CNIH3: variants seen among roughly 807,000 people sequenced by gnomAD.
The protein encoded by CNIH3 is protein cornichon homolog 3.
A neutral mutation model predicts 24.1 loss-of-function variants in CNIH3; 14 were observed. The observed-to-expected ratio is 0.58, with a 90% CI of 0.38 to 0.91. The LOEUF (loss-of-function observed/expected upper bound fraction) is 0.91, where lower values mean the gene tolerates loss of function less well. CNIH3 is among the 40% of genes least tolerant of loss of function. The pLI is 0.00. For synonymous variants in CNIH3, 68 were observed against 73.8 expected (o/e 0.92, Z 0.40); for missense variants, 178 against 196.8 (o/e 0.90, Z 0.57).
At chr1:224,562,989 T>C (rs1172413387) in intron 3 of CNIH3, among the ~76,000 whole-genome samples, 2 of 152,198 alleles carry the variant, frequency 1.3e-5, no homozygotes, top group Admixed American at 6.5e-5. Flanking sequence ...TTTGGGAAAC[T>C]GTTTGCAAAA....
chr1:224,595,525 C>A (rs1460613326), intron 3 of CNIH3, among the ~76,000 whole-genome samples: 1 of 152,198 alleles, frequency 6.6e-6, no homozygotes, highest in African/African-American at 2.4e-5. Context: ...CAATAATATT[C>A]AATTTAGGCA....
At chr1:224,738,300 T>C (rs1172067413) in intron 5 of CNIH3, among the ~76,000 whole-genome samples, 1 of 152,228 alleles carries the variant, frequency 6.6e-6, no homozygotes, top group Non-Finnish European at 1.5e-5. Flanking sequence ...CTTAGTACTG[T>C]TATGCAAAAA....
At chr1:224,623,915 C>T (rs188522109) in intron 1 of CNIH3, among the ~76,000 whole-genome samples, 3 of 152,172 alleles carry the variant, frequency 2.0e-5, no homozygotes, top group Admixed American at 2.0e-4. Context: ...TCCCCAGGCC[C>T]TCTAAATGCT....
intron 1 of CNIH3, among the ~76,000 whole-genome samples, chr1:224,456,984 C>A (rs757571176): frequency 6.6e-6 from 1 of 152,220 alleles, no homozygotes; most frequent in South Asian, 2.1e-4. Flanking sequence ...AAGGCCACCC[C>A]GCTCAGGCCT....
intron 3 of CNIH3, among the ~76,000 whole-genome samples, chr1:224,594,284 C>T (rs890122636): frequency 6.6e-6 from 1 of 152,200 alleles, no homozygotes; most frequent in African/African-American, 2.4e-5. Context: ...CCTTGCACCC[C>T]CGCTTGTCTG....
intron 1 of CNIH3, among the ~76,000 whole-genome samples, chr1:224,679,527 A>G (rs1686301550): frequency 6.6e-6 from 1 of 152,210 alleles, no homozygotes; most frequent in African/African-American, 2.4e-5. Flanking sequence ...GATTAATTAG[A>G]GGTAGCCAGA....
At chr1:224,718,842 G>C (rs558447505) in intron 3 of CNIH3, 1 of 152,190 alleles carries the variant, frequency 6.6e-6, no homozygotes, top group Non-Finnish European at 1.5e-5. Flanking sequence ...ATTCTGCAGC[G>C]GGATCCCTCT....
Position 224,594,670 on chromosome 1 carries a change from T to C in CNIH3, n.402+28406T>C, listed in dbSNP as rs117247995. On this transcript the variant is annotated intron_variant and non_coding_transcript_variant, in intron 3 of 7. Coordinates refer to the CNIH3 transcript ENST00000478120. The stretch of plus-strand genomic sequence containing the variant: ...GCGGAGCAGCATAAACAGTTTTGGA[T>C]TGGGCAATTTGCATTATAAATGGCA... 2.9e-3 allele frequency among the ~76,000 whole-genome samples: 440 copies of C among 152,196 alleles called. 8 individuals carry two copies. In the East Asian group the frequency reaches 0.047, roughly 16 times the overall value.
At chr1:224,705,619 A>G (rs1687741108) in intron 3 of CNIH3, among the ~76,000 whole-genome samples, 3 of 152,048 alleles carry the variant, frequency 2.0e-5, no homozygotes, top group Admixed American at 6.6e-5. Context: ...TGCTTGAGCA[A>G]CCTCACAGAG....
At chr1:224,665,109 A>G (rs989819022) in intron 1 of CNIH3, among the ~76,000 whole-genome samples, 2 of 152,200 alleles carry the variant, frequency 1.3e-5, no homozygotes, top group African/African-American at 4.8e-5. Context: ...TTGAATATGT[A>G]TACATTCCGT....
At chr1:224,711,306 A>G (rs1196982192) in intron 3 of CNIH3, among the ~76,000 whole-genome samples, 1 of 150,288 alleles carries the variant, frequency 6.7e-6, no homozygotes, top group Non-Finnish European at 1.5e-5. Context: ...TAAGTTTTTA[A>G]TCTTTCTCTC....
At chr1:224,675,302 A>G (rs984497153) in intron 1 of CNIH3, among the ~76,000 whole-genome samples, 4 of 152,254 alleles carry the variant, frequency 2.6e-5, no homozygotes, top group African/African-American at 9.6e-5. Flanking sequence ...ATAGTCCTAA[A>G]TCTATTAAAT....
chr1:224,704,352 G>T lies in CNIH3; in HGVS notation c.198+19509G>T, dbSNP rs1687665048. ...GCAGGGGCTCTCTGCAAAAGCTAAAGTCAGCAGCAGATGATATGATGCAGG... is the reference window on the plus strand; with the variant it reads ...GCAGGGGCTCTCTGCAAAAGCTAAATTCAGCAGCAGATGATATGATGCAGG... On this transcript the variant is annotated intron_variant, in intron 3 of 5. Coordinates refer to ENST00000272133, the MANE Select transcript of CNIH3 (RefSeq NM_152495.2). This position sits in a 1 kb window ranked among gnomAD's most constrained non-coding sequence, Gnocchi z 4.2. Among the ~76,000 whole-genome samples, 1 of 152,194 alleles carries T rather than the reference G, an allele frequency of 6.6e-6. No individual in the cohort carries two copies. The highest frequency in any genetic ancestry group is 1.5e-5 in the Non-Finnish European group (1 of 68,024).
At chr1:224,724,928 C>T (rs1023374832) in intron 3 of CNIH3, among the ~76,000 whole-genome samples, 4 of 151,980 alleles carry the variant, frequency 2.6e-5, no homozygotes, top group Admixed American at 6.5e-5. Flanking sequence ...TAATAATGAC[C>T]GGCCAGGCAT....
chr1:224,548,878 C>T (rs755413897), intron 3 of CNIH3, among the ~76,000 whole-genome samples: 3 of 151,614 alleles, frequency 2.0e-5, no homozygotes, highest in Non-Finnish European at 4.4e-5. Context: ...TCGTAGTATC[C>T]CAGGGAGATA....
chr1:224,696,666 G>T (rs1687192276), intron 3 of CNIH3, among the ~76,000 whole-genome samples: 1 of 152,190 alleles, frequency 6.6e-6, no homozygotes, highest in Non-Finnish European at 1.5e-5. Flanking sequence ...GGCTTTGATG[G>T]AACAGCCCAA....
chr1:224,600,786 T>C (rs191079797), intron 3 of CNIH3, among the ~76,000 whole-genome samples: 1 of 152,290 alleles, frequency 6.6e-6, no homozygotes, highest in Admixed American at 6.5e-5. Context: ...AACGAGGTAA[T>C]AAAGGTTAAA....
chr1:224,719,233 CT>C (rs1366873611), intron 3 of CNIH3: 1 of 152,214 alleles, frequency 6.6e-6, no homozygotes, highest in Non-Finnish European at 1.5e-5. Context: ...GCACAGACAC[CT>C]ACACCTGCAC....
At chr1:224,680,850 A>T (rs962069693) in intron 1 of CNIH3, 108 bp from the exon 2 acceptor site, 5 of 811,862 alleles carry the variant, frequency 6.2e-6, no homozygotes, top group African/African-American at 5.0e-5. Context: ...TGCCATCTAC[A>T]GCCTCTTCCT....
Sources: gnomAD v4.1 joint callset for allele counts (sites outside exome capture counted in the v4.1 genomes callset) on GRCh38, gnomAD v4.1.1 for gene constraint, Gnocchi (gnomAD v3.1) non-coding constraint, MANE v1.5 for transcripts, NCBI Gene and HGNC (gene_info 2026-07-23, HGNC 2026-07-21) for gene names.